NDRG3: variants seen among roughly 807,000 people sequenced by gnomAD.
The protein encoded by NDRG3 is NDRG family member 3.
A neutral mutation model predicts 57.2 loss-of-function variants in NDRG3; 23 were observed. The ratio of observed to expected loss-of-function variants is 0.40; its 90% CI spans 0.29 to 0.57. The LOEUF is 0.57. NDRG3 is among the 20% of genes least tolerant of loss of function. The probability of loss-of-function intolerance (pLI) is 0.42; values close to 1 mark genes in which losing one functional copy is unlikely to be tolerated. For synonymous variants in NDRG3, 132 were observed against 162.6 expected (o/e 0.81, Z 1.43); for missense variants, 384 against 457.3 (o/e 0.84, Z 1.46).
At chr20:36,737,600 G>C (rs191877894) in intron 1 of NDRG3, among the ~76,000 whole-genome samples, 1 of 152,076 alleles carries the variant, frequency 6.6e-6, no homozygotes. Context: ...AAGCTCGGAC[G>C]GGGTATTGTA....
intron 13 of NDRG3, among the ~76,000 whole-genome samples, chr20:36,657,264 G>C (rs537783053): frequency 6.6e-6 from 1 of 152,208 alleles, no homozygotes; most frequent in African/African-American, 2.4e-5. Flanking sequence ...AGGTCGGGGG[G>C]ATCACCTGAG....
At chr20:36,697,285 T>C (rs1218673159) in intron 3 of NDRG3, among the ~76,000 whole-genome samples, 1 of 152,214 alleles carries the variant, frequency 6.6e-6, no homozygotes, top group Non-Finnish European at 1.5e-5. Context: ...CCTGGCCGCA[T>C]TTACACAAAA....
intron 2 of NDRG3, among the ~76,000 whole-genome samples, chr20:36,714,183 G>A (rs1984081513): frequency 6.6e-6 from 1 of 152,064 alleles, no homozygotes; most frequent in East Asian, 2.0e-4. Context: ...GAGATCAGGA[G>A]TTCGAGACCA....
At chr20:36,730,455 T>A (rs1188114325) in intron 1 of NDRG3, among the ~76,000 whole-genome samples, 1 of 151,904 alleles carries the variant, frequency 6.6e-6, no homozygotes, top group African/African-American at 2.4e-5. Flanking sequence ...GGTCTTACTA[T>A]GTTGCCCAGG....
chr20:36,652,769 C>A lies in NDRG3; in HGVS notation c.*751G>T, dbSNP rs1248205403. The stretch of plus-strand genomic sequence containing the variant: ...GTCCAGTAATTAAACCACATTCACT[C>A]CTTGGAAAAAACTCTATGTTGTATC... On this transcript the variant is annotated 3_prime_UTR_variant, in exon 16 of 16. Coordinates refer to ENST00000349004, the MANE Select transcript of NDRG3 (RefSeq NM_032013.4). 1 of 152,160 alleles carries A rather than the reference C, an allele frequency of 6.6e-6. No individual in the cohort carries two copies. Among genetic ancestry groups the A allele is most frequent in the East Asian group, 1.9e-4 (1 of 5,194 alleles). The allele number at this position is 152,160 out of a possible 1,614,324, so 9.4% of individuals were successfully genotyped here. A position where few individuals can be genotyped will look rare whatever the true frequency, so the allele number is the denominator to read the frequency against.
chr20:36,675,082 A>C (rs1330731533), intron 8 of NDRG3, among the ~76,000 whole-genome samples: 13 of 82,440 alleles, frequency 1.6e-4, no homozygotes, highest in Admixed American at 2.8e-4. Context: ...TTTTTTTTTG[A>C]GACAGTCTCG....
chr20:36,718,410 G>C (rs1291739431), intron 2 of NDRG3, among the ~76,000 whole-genome samples: 1 of 152,182 alleles, frequency 6.6e-6, no homozygotes, highest in African/African-American at 2.4e-5. Flanking sequence ...AACAGCATAG[G>C]CCTATCAAAG....
intron 3 of NDRG3, among the ~76,000 whole-genome samples, chr20:36,706,135 A>G (rs1983534958): frequency 6.6e-6 from 1 of 152,228 alleles, no homozygotes; most frequent in African/African-American, 2.4e-5. Flanking sequence ...AACTGGCAAC[A>G]GAGGTGATGC....
intron 1 of NDRG3, among the ~76,000 whole-genome samples, chr20:36,736,049 C>G (rs943568179): frequency 2.0e-4 from 31 of 151,340 alleles, no homozygotes; most frequent in Admixed American, 2.0e-3. Context: ...AGACAAGCTG[C>G]AGAAGTAGCC....
At chr20:36,732,507 C>G (rs1985345423) in intron 1 of NDRG3, among the ~76,000 whole-genome samples, 1 of 152,252 alleles carries the variant, frequency 6.6e-6, no homozygotes, top group East Asian at 1.9e-4. Flanking sequence ...TGGTGCTGAG[C>G]AAAGCATTTT....
In NDRG3 at chr20:36,718,837, C is replaced by T. The variant is rs542887848; in HGVS notation, c.57+2842G>A. On this transcript the variant is annotated intron_variant, in intron 2 of 15. Transcript: ENST00000349004. Reference sequence around the variant, plus strand: ...CTGGGACTACAGGCATCTGCCACCACACCTGGATCATTTTTTTAATTTTTT... The same window carrying T: ...CTGGGACTACAGGCATCTGCCACCATACCTGGATCATTTTTTTAATTTTTT... 4.6e-5 allele frequency among the ~76,000 whole-genome samples: 7 copies of T among 152,166 alleles called. No individual in the cohort carries two copies. In the South Asian group the frequency reaches 1.2e-3, roughly 27 times the overall value.
At chr20:36,669,982 GATGAATCTCAA>G (rs988442764) in intron 9 of NDRG3, among the ~76,000 whole-genome samples, 2 of 152,202 alleles carry the variant, frequency 1.3e-5, no homozygotes, top group Admixed American at 1.3e-4. Context: ...GAATGACATG[GATGAATCTCAA>G]GACAGTATGT....
chr20:36,704,807 T>C (rs2093157239), intron 3 of NDRG3, among the ~76,000 whole-genome samples: 1 of 152,204 alleles, frequency 6.6e-6, no homozygotes, highest in South Asian at 2.1e-4. Context: ...GTAACTGTAC[T>C]ATGAGCCTGA....
intron 2 of NDRG3, among the ~76,000 whole-genome samples, chr20:36,717,255 A>C (rs900107684): frequency 6.6e-6 from 1 of 152,206 alleles, no homozygotes; most frequent in Non-Finnish European, 1.5e-5. Context: ...ACAAGAGACA[A>C]CATAAGCCTT....
chr20:36,680,719 T>C, intron 8 of NDRG3, 97 bp downstream of exon 8: 1 of 851,448 alleles, frequency 1.2e-6, no homozygotes, highest in Non-Finnish European at 1.9e-6. Flanking sequence ...TACTTAACAT[T>C]TTTACCCTTA....
chr20:36,677,920 A>T (rs1292524331), intron 8 of NDRG3, among the ~76,000 whole-genome samples: 2 of 152,098 alleles, frequency 1.3e-5, no homozygotes, highest in Non-Finnish European at 2.9e-5. Flanking sequence ...AAGGGATATA[A>T]TTTTTTCCTT....
chr20:36,703,321 A>C (rs1160708842), intron 3 of NDRG3, among the ~76,000 whole-genome samples: 1 of 151,984 alleles, frequency 6.6e-6, no homozygotes, highest in Non-Finnish European at 1.5e-5. Context: ...TATAGTTTAC[A>C]TGTATGTGTG....
chr20:36,717,888 G>C (rs372407564), intron 2 of NDRG3, among the ~76,000 whole-genome samples: 1 of 152,212 alleles, frequency 6.6e-6, no homozygotes, highest in South Asian at 2.1e-4. Context: ...CTAGTGGGTA[G>C]AGGCCAAAGA....
At chr20:36,687,352 A>C in intron 5 of NDRG3, 140 bp downstream of exon 5, 1 of 1,081,090 alleles carries the variant, frequency 9.2e-7, no homozygotes, top group South Asian at 1.7e-5. Context: ...AGGAGAGAAA[A>C]TATGAGGATG....
Sources: gnomAD v4.1 joint callset for allele counts (sites outside exome capture counted in the v4.1 genomes callset) on GRCh38, gnomAD v4.1.1 for gene constraint, MANE v1.5 for transcripts, NCBI Gene and HGNC (gene_info 2026-07-23, HGNC 2026-07-21) for gene names.